The following AGBL1 variants were observed in gnomAD, a reference collection of about 807,000 sequenced individuals.
AGBL1 encodes the protein AGBL carboxypeptidase 1, also known as cytosolic carboxypeptidase 4.
AGBL1 carries 130 observed loss-of-function variants against 118.9 expected under a neutral mutation model. The ratio of observed to expected loss-of-function variants is 1.09; its 90% confidence interval spans 0.95 to 1.26. AGBL1 has a LOEUF of 1.26. AGBL1 is among the 50% of genes most tolerant of loss of function. The pLI is 0.00. For synonymous variants in AGBL1, 555 were observed against 478.9 expected, an observed-to-expected ratio of 1.16 and a Z score of -2.08; for missense variants, 1,584 against 1,298.1, an observed-to-expected ratio of 1.22 and a Z score of -3.38.
chr15:86,147,423 T>C (rs1180504655), intron 3 of AGBL1, among the ~76,000 whole-genome samples: 2 of 152,208 alleles, frequency 1.3e-5, no homozygotes, highest in African/African-American at 4.8e-5. Context: ...ACTGCACTTT[T>C]CCCAAGGTTA....
chr15:86,267,172 G>T (rs1465491746), intron 13 of AGBL1, 96 bp downstream of exon 13: 24 of 965,742 alleles, frequency 2.5e-5, no homozygotes, highest in South Asian at 4.3e-5. Flanking sequence ...ACCTTGCATT[G>T]GTGGCTTGAA....
In AGBL1 at chr15:86,410,935, T is replaced by C. The variant is rs1410424005; in HGVS notation, c.2555+13389T>C. Among the ~76,000 whole-genome samples the C allele has an allele frequency of 1.2e-4, 11 of 91,370 alleles. No homozygotes were observed. The East Asian group carries it at 5.6e-3, about 46-fold the overall frequency. The allele number at this position is 91,370 out of a possible 152,430, so 59.9% of individuals were successfully genotyped here. The stretch of plus-strand genomic sequence containing the variant: ...TATATGTTATATAATATATATAACA[T>C]ATATTATATATATATAGAGAGAGAT... On this transcript the variant is annotated intron_variant, in intron 18 of 22. Coordinates refer to ENST00000614907, the MANE Select transcript of AGBL1 (RefSeq NM_001386094.1).
intron 6 of AGBL1, among the ~76,000 whole-genome samples, chr15:86,242,714 A>T (rs1461696322): frequency 6.6e-6 from 1 of 152,232 alleles, no homozygotes; most frequent in Non-Finnish European, 1.5e-5. Context: ...TAAGGTCATC[A>T]CTGCTCCCAA....
At chr15:87,028,059 A>G (rs112510065) in intron 24 of AGBL1, among the ~76,000 whole-genome samples, 3 of 151,750 alleles carry the variant, frequency 2.0e-5, no homozygotes, top group East Asian at 3.9e-4. Flanking sequence ...AAAAAAATAT[A>G]TATATATATA....
At chr15:86,877,630 C>T (rs1233943413) in intron 22 of AGBL1, among the ~76,000 whole-genome samples, 5 of 152,134 alleles carry the variant, frequency 3.3e-5, no homozygotes, top group Non-Finnish European at 7.4e-5. Context: ...ACTTTGCCAT[C>T]CACTGTAAGC....
chr15:87,007,292 A>G (rs1005759836), intron 24 of AGBL1, among the ~76,000 whole-genome samples: 4 of 152,236 alleles, frequency 2.6e-5, no homozygotes, highest in African/African-American at 9.6e-5. Flanking sequence ...TAATGAAACT[A>G]ACAGAATACT....
At chr15:87,018,514 CT>C (rs1028342655) in intron 24 of AGBL1, among the ~76,000 whole-genome samples, 1 of 152,074 alleles carries the variant, frequency 6.6e-6, no homozygotes, top group Non-Finnish European at 1.5e-5. Context: ...CCAAACTAAG[CT>C]TCATAAGAAA....
At chr15:86,947,274 G>A (rs2080836465) in intron 23 of AGBL1, among the ~76,000 whole-genome samples, 1 of 152,146 alleles carries the variant, frequency 6.6e-6, no homozygotes, top group Non-Finnish European at 1.5e-5. Context: ...CCAGAATTGA[G>A]GGACAGTTAC....
chr15:86,125,540 G>T (rs1898370004), intron 1 of AGBL1, among the ~76,000 whole-genome samples: 1 of 152,170 alleles, frequency 6.6e-6, no homozygotes, highest in South Asian at 2.1e-4. Context: ...ACATCTAATA[G>T]TCTTAATAAA....
chr15:86,163,832 T>A (rs1217865250), intron 5 of AGBL1, among the ~76,000 whole-genome samples: 1 of 152,248 alleles, frequency 6.6e-6, no homozygotes, highest in African/African-American at 2.4e-5. Context: ...AGCCAGAATG[T>A]ACTGAGTAGG....
intron 18 of AGBL1, among the ~76,000 whole-genome samples, chr15:86,486,867 C>T (rs1412309528): frequency 6.6e-6 from 1 of 151,944 alleles, no homozygotes. Context: ...CGACTTGGAC[C>T]TCTGTACATG....
intron 24 of AGBL1, among the ~76,000 whole-genome samples, chr15:86,998,392 T>G (rs1211696827): frequency 6.6e-6 from 1 of 152,112 alleles, no homozygotes; most frequent in Non-Finnish European, 1.5e-5. Context: ...AATTGAGGAC[T>G]TCAATCCAAC....
At chr15:86,890,741 G>A (rs575618233) in intron 22 of AGBL1, among the ~76,000 whole-genome samples, 1 of 152,044 alleles carries the variant, frequency 6.6e-6, no homozygotes, top group Non-Finnish European at 1.5e-5. Context: ...CTATTCCATT[G>A]GTCTATGTGT....
At chr15:86,718,733 G>A (rs931729156) in intron 22 of AGBL1, among the ~76,000 whole-genome samples, 8 of 152,104 alleles carry the variant, frequency 5.3e-5, no homozygotes, top group South Asian at 2.1e-4. Context: ...CACAGAAGGG[G>A]TATGTAGCCA....
chr15:86,350,974 C>A (rs191029858), intron 17 of AGBL1, among the ~76,000 whole-genome samples: 2 of 152,158 alleles, frequency 1.3e-5, no homozygotes, highest in African/African-American at 2.4e-5. Context: ...CAAGAGAATA[C>A]TTTTTGTATC....
At chr15:86,860,418 C>A (rs193033203) in intron 22 of AGBL1, among the ~76,000 whole-genome samples, 21 of 150,250 alleles carry the variant, frequency 1.4e-4, no homozygotes, top group Admixed American at 2.0e-4. Context: ...ATATATATAT[C>A]TCTTTATATA....
chr15:86,397,004 T>G (rs2081375207), intron 17 of AGBL1, among the ~76,000 whole-genome samples: 1 of 152,210 alleles, frequency 6.6e-6, no homozygotes. Flanking sequence ...GAGCTGTACC[T>G]TCATACTTTC....
chr15:86,760,863 C>T (rs1399180301), intron 22 of AGBL1, among the ~76,000 whole-genome samples: 1 of 152,024 alleles, frequency 6.6e-6, no homozygotes, highest in East Asian at 1.9e-4. Flanking sequence ...AAAGCCACAA[C>T]TTAAGTTTCT....
rs1184508849 is a variant in AGBL1, at chr15:86,907,113, C to T, written c.3185C>T (p.Pro1062Leu). 2 of 152,294 alleles carry T rather than the reference C, an allele frequency of 1.3e-5. No homozygotes were observed. The highest frequency in any genetic ancestry group is 4.8e-5 in the African/African-American group (2 of 41,422). The allele number at this position is 152,294 out of a possible 1,614,324, so 9.4% of individuals were successfully genotyped here. A position where few individuals can be genotyped will look rare whatever the true frequency, so the allele number is the denominator to read the frequency against. ...TGCAGCAGCAGCAGTGGCAGCGTCC[C>T]TTCGGAACTGGAGGATGAACCTGCC... ...QRCSSSSGSV[P>L]SELEDEPACL... Residue 1062 changes from proline to leucine, a missense_variant, in exon 23 of 23, where the codon CCT (proline) becomes CTT (leucine). Physicochemically the swap from Pro to Leu is moderately conservative, Grantham distance 98. Transcript: ENST00000614907.
Sources: gnomAD v4.1 joint callset for allele counts (sites outside exome capture counted in the v4.1 genomes callset) on GRCh38, gnomAD v4.1.1 for gene constraint, MANE v1.5 for transcripts, NCBI Gene and HGNC (gene_info 2026-07-23, HGNC 2026-07-21) for gene names.